Variants in ADGRL2 observed in about 807,000 individuals in gnomAD.
The protein encoded by ADGRL2 is calcium-independent alpha-latrotoxin receptor 2.
ADGRL2 carries 44 observed loss-of-function variants against 157.4 expected under a neutral mutation model. That is an observed-to-expected ratio of 0.28 (90% CI 0.22 to 0.36). ADGRL2 has a LOEUF of 0.36. Among genes scored for constraint, ADGRL2 ranks in the 10% least tolerant of loss-of-function variants. The pLI is 1.00. For missense variants in ADGRL2, 1,510 were observed against 1,768.9 expected, an observed-to-expected ratio of 0.85 and a Z score of 2.63; for synonymous variants, 585 against 624.7, an observed-to-expected ratio of 0.94 and a Z score of 0.95.
intron 2 of ADGRL2, among the ~76,000 whole-genome samples, chr1:81,505,560 A>G (rs1555665): frequency 0.37 from 54,637 of 146,530 alleles, 14,373 homozygotes; most frequent in African/African-American, 0.75. Context: ...CGGATGAGGG[A>G]TGCCAGCAGG....
chr1:81,903,091 G>T lies in ADGRL2; in HGVS notation c.74-3926G>T, dbSNP rs558130517. ...AGGAAATTTTATAAGACTTTGAAATGGCTTTAATTCTTCAGAAAAGGTTTT... is the reference window on the plus strand; with the variant it reads ...AGGAAATTTTATAAGACTTTGAAATTGCTTTAATTCTTCAGAAAAGGTTTT... On this transcript the variant is annotated intron_variant, in intron 2 of 23. Transcript: ENST00000686636. 9.9e-5 allele frequency among the ~76,000 whole-genome samples: 15 copies of T among 152,278 alleles called. 1 individual carries two copies. The highest frequency in any genetic ancestry group is 1.9e-4 in the Non-Finnish European group (13 of 68,020).
At chr1:81,625,393 AG>A (rs2081889833) in intron 3 of ADGRL2, among the ~76,000 whole-genome samples, 1 of 152,192 alleles carries the variant, frequency 6.6e-6, no homozygotes, top group Non-Finnish European at 1.5e-5. Context: ...AAGAGAAATA[AG>A]GGGTATGTTG....
At chr1:81,804,972 A>G (rs2088890086) in intron 1 of ADGRL2, among the ~76,000 whole-genome samples, 1 of 152,170 alleles carries the variant, frequency 6.6e-6, no homozygotes, top group Non-Finnish European at 1.5e-5. Flanking sequence ...ACTTGACACA[A>G]CTTCTGTTGC....
intron 1 of ADGRL2, among the ~76,000 whole-genome samples, chr1:81,425,758 G>A (rs1324224265): frequency 6.6e-6 from 1 of 152,186 alleles, no homozygotes; most frequent in African/African-American, 2.4e-5. Context: ...AGGTAGGGGG[G>A]TCTGAGTCAC....
chr1:81,880,813 A>G (rs1434790439), intron 2 of ADGRL2, among the ~76,000 whole-genome samples: 1 of 152,044 alleles, frequency 6.6e-6, no homozygotes, highest in Non-Finnish European at 1.5e-5. Context: ...GCACAATGAC[A>G]TTGGTGGGTT....
chr1:81,806,467 A>G (rs905632808), intron 1 of ADGRL2, among the ~76,000 whole-genome samples: 2 of 152,024 alleles, frequency 1.3e-5, no homozygotes, highest in African/African-American at 4.8e-5. Context: ...TTATTTGATC[A>G]TTATTGAAGC....
chr1:81,532,855 G>A (rs2079634511), intron 2 of ADGRL2, among the ~76,000 whole-genome samples: 1 of 152,036 alleles, frequency 6.6e-6, no homozygotes, highest in African/African-American at 2.4e-5. Context: ...AGGAGATCAA[G>A]GAAGGCCACA....
At chr1:81,431,960 G>A (rs961465289) in intron 1 of ADGRL2, among the ~76,000 whole-genome samples, 18 of 152,224 alleles carry the variant, frequency 1.2e-4, no homozygotes, top group East Asian at 1.9e-4. Flanking sequence ...AGAGAGGTTC[G>A]GGGGTGTTGT....
intron 2 of ADGRL2, among the ~76,000 whole-genome samples, chr1:81,542,995 A>G (rs115240701): frequency 0.015 from 2,242 of 147,764 alleles, 55 homozygotes; most frequent in African/African-American, 0.052. Flanking sequence ...AAATTTAAAC[A>G]CTTTTTATCT....
intron 1 of ADGRL2, among the ~76,000 whole-genome samples, chr1:81,426,054 T>G (rs1314775210): frequency 6.6e-6 from 1 of 151,970 alleles, no homozygotes; most frequent in Non-Finnish European, 1.5e-5. Context: ...TGACCAAAGT[T>G]TCATGTGGTA....
At chr1:81,389,512 T>C (rs2076496118) in intron 1 of ADGRL2, among the ~76,000 whole-genome samples, 1 of 152,110 alleles carries the variant, frequency 6.6e-6, no homozygotes, top group African/African-American at 2.4e-5. Flanking sequence ...AAATTTAAGG[T>C]TATAGAGAAA....
At chr1:81,655,060 C>T (rs577901920) in intron 3 of ADGRL2, among the ~76,000 whole-genome samples, 4 of 152,180 alleles carry the variant, frequency 2.6e-5, no homozygotes, top group Non-Finnish European at 5.9e-5. Flanking sequence ...GCCTCGCCCC[C>T]CTGCGATGGG....
intron 2 of ADGRL2, among the ~76,000 whole-genome samples, chr1:81,894,900 A>G (rs1426469588): frequency 6.6e-6 from 1 of 152,158 alleles, no homozygotes; most frequent in East Asian, 1.9e-4. Flanking sequence ...ACATGACATC[A>G]CAGCCTTAAG....
In ADGRL2 at chr1:81,823,938, A is replaced by T. The variant is rs1335419501; in HGVS notation, c.-100-12947A>T. On this transcript the variant is annotated intron_variant, in intron 1 of 23. Coordinates refer to ENST00000686636, the MANE Select transcript of ADGRL2 (RefSeq NM_001366006.2). ...TGTAGATATATTTGCTAAAAAATAAATATTTCAAAAATTTAAATATTTTCC... is the reference window on the plus strand; with the variant it reads ...TGTAGATATATTTGCTAAAAAATAATTATTTCAAAAATTTAAATATTTTCC... 2.6e-5 allele frequency among the ~76,000 whole-genome samples: 4 copies of T among 152,298 alleles called. No individual in the cohort carries two copies. The East Asian group carries it at 7.7e-4, about 29-fold the overall frequency.
chr1:81,717,532 A>T (rs2084159373), intron 1 of ADGRL2, among the ~76,000 whole-genome samples: 1 of 152,234 alleles, frequency 6.6e-6, no homozygotes, highest in African/African-American at 2.4e-5. Context: ...GTCATCCCAG[A>T]ATAAAGATGA....
At chr1:81,465,316 G>A (rs2078030112) in intron 2 of ADGRL2, among the ~76,000 whole-genome samples, 2 of 151,880 alleles carry the variant, frequency 1.3e-5, no homozygotes, top group Admixed American at 6.6e-5. Context: ...TATTTTTAGG[G>A]AATTATATAA....
intron 1 of ADGRL2, among the ~76,000 whole-genome samples, chr1:81,703,422 CTGT>C (rs556346925): frequency 1.3e-5 from 2 of 151,846 alleles, no homozygotes; most frequent in East Asian, 1.9e-4. Context: ...TTTTTGTTTT[CTGT>C]TGTTGTTGTT....
chr1:81,568,675 G>T (rs1418914880), intron 2 of ADGRL2, among the ~76,000 whole-genome samples: 1 of 152,050 alleles, frequency 6.6e-6, no homozygotes, highest in Non-Finnish European at 1.5e-5. Context: ...TTAAAGAAGG[G>T]TTAGATAACT....
chr1:81,964,251 C>T (rs569239863), intron 11 of ADGRL2, among the ~76,000 whole-genome samples: 18 of 152,008 alleles, frequency 1.2e-4, no homozygotes, highest in African/African-American at 4.3e-4. Context: ...ACATGTATAT[C>T]TATGTTTGGG....
Sources: gnomAD v4.1 joint callset for allele counts (sites outside exome capture counted in the v4.1 genomes callset) on GRCh38, gnomAD v4.1.1 for gene constraint, MANE v1.5 for transcripts, NCBI Gene and HGNC (gene_info 2026-07-23, HGNC 2026-07-21) for gene names.